GNA14: variants seen among roughly 807,000 people sequenced by gnomAD.
GNA14 encodes G protein subunit alpha 14, also known as guanine nucleotide-binding protein subunit alpha-14.
In GNA14, 50 loss-of-function variants were observed where a neutral mutation model predicts 42.0. The observed-to-expected ratio is 1.19, with a 90% CI of 0.95 to 1.51. GNA14 has a LOEUF of 1.51. Among genes scored for constraint, GNA14 ranks in the 40% most tolerant of loss-of-function variants. The pLI is 0.00. For missense variants in GNA14, 473 were observed against 446.2 expected (o/e 1.06, Z -0.54); for synonymous variants, 173 against 163.1 (o/e 1.06, Z -0.46).
intron 1 of GNA14, among the ~76,000 whole-genome samples, chr9:77,599,214 CGAT>C (rs1823514196): frequency 6.6e-6 from 1 of 152,132 alleles, no homozygotes; most frequent in Admixed American, 6.6e-5. Context: ...GTACTCTAGA[CGAT>C]GATGACAACA....
intron 1 of GNA14, among the ~76,000 whole-genome samples, chr9:77,566,839 A>G (rs1329829460): frequency 2.6e-5 from 4 of 152,170 alleles, no homozygotes; most frequent in Admixed American, 6.5e-5. Flanking sequence ...ACTGACCAGT[A>G]TATCTCTCTG....
At chr9:77,505,589 A>T (rs575355546) in intron 2 of GNA14, among the ~76,000 whole-genome samples, 1 of 152,358 alleles carries the variant, frequency 6.6e-6, no homozygotes, top group African/African-American at 2.4e-5. Context: ...TGGGTGAATG[A>T]ATGAACGAAC....
At chr9:77,590,110 T>C (rs1391468362) in intron 1 of GNA14, among the ~76,000 whole-genome samples, 1 of 151,968 alleles carries the variant, frequency 6.6e-6, no homozygotes, top group African/African-American at 2.4e-5. Flanking sequence ...AGAGATGGGG[T>C]ATCAACCACA....
intron 1 of GNA14, among the ~76,000 whole-genome samples, chr9:77,552,856 T>C (rs1370116853): frequency 1.3e-5 from 2 of 152,234 alleles, no homozygotes; most frequent in Admixed American, 6.5e-5. Flanking sequence ...AGATTCTAAC[T>C]TATTTTCCAT....
At chr9:77,615,142 T>C (rs1221255511) in intron 1 of GNA14, among the ~76,000 whole-genome samples, 1 of 152,212 alleles carries the variant, frequency 6.6e-6, no homozygotes, top group Non-Finnish European at 1.5e-5. Flanking sequence ...GAAACAAATG[T>C]AACAGCAGCA....
chr9:77,501,709 A>ATTTTTTT (rs1287109889), intron 2 of GNA14, among the ~76,000 whole-genome samples: 1 of 94,282 alleles, frequency 1.1e-5, no homozygotes, highest in African/African-American at 4.8e-5. Context: ...AGATTGGATA[A>ATTTTTTT]TTTCTTTTTT....
intron 1 of GNA14, among the ~76,000 whole-genome samples, chr9:77,533,428 C>A (rs13287722): frequency 0.12 from 18,533 of 152,182 alleles, 1,313 homozygotes; most frequent in Non-Finnish European, 0.14. Flanking sequence ...CATCCTCCTG[C>A]CTCAGCCTCT....
intron 1 of GNA14, among the ~76,000 whole-genome samples, chr9:77,574,994 A>AG (rs533023613): frequency 2.6e-5 from 4 of 152,318 alleles, no homozygotes; most frequent in African/African-American, 7.2e-5. Context: ...TCTACCCTGT[A>AG]GGGGGGAAGT....
rs570431670 is a variant in GNA14, at chr9:77,487,988, C to T, written c.309+41081G>A. Among the ~76,000 whole-genome samples, 7 of 152,014 alleles carry T rather than the reference C, an allele frequency of 4.6e-5. No homozygotes were observed. The South Asian group carries it at 1.2e-3, about 27-fold the overall frequency. ...ACCCAGTTGACATCACATTTGATAC[C>T]AGGACCATCATCTAAAAAGGTCATT... On this transcript the variant is annotated intron_variant, in intron 2 of 6. Transcript: ENST00000341700.
chr9:77,488,056 A>C (rs1836691643), intron 2 of GNA14, among the ~76,000 whole-genome samples: 2 of 152,212 alleles, frequency 1.3e-5, no homozygotes, highest in African/African-American at 4.8e-5. Flanking sequence ...CACTTAAAGC[A>C]ATGTACAGGC....
At position 77,460,561 on chromosome 9, in the gene GNA14, A is replaced by ATGAC. The variant is rs570751183; in HGVS notation, c.310-26043_310-26040dup. 4.1e-3 allele frequency among the ~76,000 whole-genome samples: 620 copies of ATGAC among 152,342 alleles called. 3 individuals carry two copies. The highest frequency in any genetic ancestry group is 0.014 in the African/African-American group (596 of 41,584). On this transcript the variant is annotated intron_variant, in intron 2 of 6. Transcript: ENST00000341700. ...CAAAACTCTGGACAGACGGGGACCAATGACTGAGCCTTGGCTGGGAGGGCG... is the reference window on the plus strand; with the variant it reads ...CAAAACTCTGGACAGACGGGGACCAATGACTGACTGAGCCTTGGCTGGGAGGGCG...
intron 2 of GNA14, 24 bp from the exon 3 acceptor site, chr9:77,434,546 G>T (rs745529817): frequency 6.2e-7 from 1 of 1,605,572 alleles, no homozygotes; most frequent in Admixed American, 1.7e-5. Context: ...AGAGAACCTT[G>T]CATCAGGCAA....
Position 77,434,499 on chromosome 9 carries a change from T to G in GNA14, c.333A>C (p.Glu111Asp), listed in dbSNP as rs1469023612. 1 of 1,613,766 alleles carries G rather than the reference T, an allele frequency of 6.2e-7. No individual in the cohort carries two copies. The highest frequency in any genetic ancestry group is 1.1e-5 in the South Asian group (1 of 91,006). ...GCATGGAGACCTTGTCCACTTCCACTTCTCTGATTATCTGGGCATTTTCCT... is the reference window on the plus strand; with the variant it reads ...GCATGGAGACCTTGTCCACTTCCACGTCTCTGATTATCTGGGCATTTTCCT... ...QNKENAQIIR[E>D]VEVDKVSMLS... Residue 111 changes from glutamate (E) to aspartate (D), a missense_variant, in exon 3 of 7, where the codon GAA (glutamate) becomes GAC (aspartate). Glu to Asp is a conservative substitution (Grantham distance 45, BLOSUM62 2). Transcript: ENST00000341700.
At chr9:77,425,492 ACT>A in intron 6 of GNA14, 68 bp downstream of exon 6, 1 of 1,208,444 alleles carries the variant, frequency 8.3e-7, no homozygotes, top group Non-Finnish European at 1.2e-6. Context: ...AGCCGTGATA[ACT>A]CTAGACTGAT....
At chr9:77,440,056 A>G (rs931750675) in intron 2 of GNA14, among the ~76,000 whole-genome samples, 6 of 152,230 alleles carry the variant, frequency 3.9e-5, no homozygotes, top group African/African-American at 1.4e-4. Context: ...TATCACTCTC[A>G]AAGGAGTAAA....
In GNA14 at chr9:77,431,413, TGATGG is replaced by T. The variant is rs1240373938; in HGVS notation, c.496_500del (p.Pro166IlefsTer20). ...GCACATCTTGTTGGGTAGGCACGAA[TGATGG>T]TGTGGCGATGCGGTCAATGTCAGTC... On this transcript the variant is annotated frameshift_variant, in exon 4 of 7. Coordinates refer to ENST00000341700, the MANE Select transcript of GNA14 (RefSeq NM_004297.4). LOFTEE classifies it high-confidence loss of function. 1.2e-6 allele frequency: 2 copies of T among 1,613,708 alleles called. No individual in the cohort carries two copies. Among genetic ancestry groups the T allele is most frequent in the Non-Finnish European group, 1.7e-6 (2 of 1,179,806 alleles).
At chr9:77,486,114 T>C (rs1245787182) in intron 2 of GNA14, among the ~76,000 whole-genome samples, 1 of 152,244 alleles carries the variant, frequency 6.6e-6, no homozygotes, top group African/African-American at 2.4e-5. Context: ...TTCATCTATA[T>C]TGAAAATCTG....
At chr9:77,629,397 A>G (rs1824060090) in intron 1 of GNA14, among the ~76,000 whole-genome samples, 1 of 152,242 alleles carries the variant, frequency 6.6e-6, no homozygotes, top group East Asian at 1.9e-4. Flanking sequence ...CCAAAGGATT[A>G]TAAATCATTC....
intron 2 of GNA14, among the ~76,000 whole-genome samples, chr9:77,483,275 C>G (rs966979771): frequency 5.3e-5 from 8 of 152,176 alleles, no homozygotes; most frequent in African/African-American, 1.9e-4. Context: ...TTCTAACAGA[C>G]AGGACGCTCA....
Sources: allele counts gnomAD v4.1 joint callset (sites outside exome capture counted in the v4.1 genomes callset), GRCh38; gene constraint gnomAD v4.1.1; transcripts MANE v1.5; gene names NCBI Gene and HGNC (gene_info 2026-07-23, HGNC 2026-07-21).